CRYBA4: variants seen among roughly 807,000 people sequenced by gnomAD.
The protein encoded by CRYBA4 is crystallin beta A4.
In CRYBA4, 30 loss-of-function variants were observed where a neutral mutation model predicts 31.7. The observed-to-expected ratio is 0.95, with a 90% CI of 0.71 to 1.28. CRYBA4 has a LOEUF of 1.28. Among genes scored for constraint, CRYBA4 ranks in the 50% most tolerant of loss-of-function variants. CRYBA4 has a pLI of 0.00. For synonymous variants in CRYBA4, 102 were observed against 102.3 expected, an observed-to-expected ratio of 1.00 and a Z score of 0.02; for missense variants, 225 against 260.7, an observed-to-expected ratio of 0.86 and a Z score of 0.94.
At chr22:26,600,050 G>C in the CRYBA4 span, among the ~76,000 whole-genome samples, 1 of 152,142 alleles carries the variant, frequency 6.6e-6, no homozygotes, top group African/African-American at 2.4e-5. Context: ...GCAAGAATAG[G>C]ACTTAGGGAC....
chr22:26,621,906 A>C (rs1342489511), upstream of CRYBA4: 18 of 938,734 alleles, frequency 1.9e-5, no homozygotes, highest in Non-Finnish European at 2.2e-5. Context: ...TTTGTCTCCC[A>C]GGGGCCCCTC....
the CRYBA4 span, among the ~76,000 whole-genome samples, chr22:26,616,564 C>A: frequency 1.3e-5 from 2 of 152,230 alleles, no homozygotes; most frequent in African/African-American, 4.8e-5. Flanking sequence ...TTTGACCATG[C>A]GGTTCCCTCC....
At chr22:26,605,800 G>A in the CRYBA4 span, among the ~76,000 whole-genome samples, 2 of 151,656 alleles carry the variant, frequency 1.3e-5, no homozygotes, top group African/African-American at 4.8e-5. Flanking sequence ...CACGACAGGG[G>A]GCTGGAAAGG....
intron 4 of CRYBA4, among the ~76,000 whole-genome samples, chr22:26,625,892 T>C (rs949183760): frequency 6.6e-6 from 1 of 150,886 alleles, no homozygotes; most frequent in African/African-American, 2.4e-5. Context: ...TAGGAGCCCC[T>C]GCCAGTTTTG....
chr22:26,611,959 C>T, the CRYBA4 span: 2 of 789,224 alleles, frequency 2.5e-6, no homozygotes, highest in South Asian at 2.7e-5. Flanking sequence ...AATGTATGTG[C>T]CAGGAGTACG....
chr22:26,602,168 G>A, the CRYBA4 span: 1 of 1,019,550 alleles, frequency 9.8e-7, no homozygotes, highest in Non-Finnish European at 1.5e-6. Flanking sequence ...TGTCTAGTCT[G>A]GAAGGAGACA....
chr22:26,622,497 G>A (rs775130189), intron 1 of CRYBA4, 88 bp from the exon 2 acceptor site: 1 of 1,154,374 alleles, frequency 8.7e-7, no homozygotes, highest in Non-Finnish European at 1.3e-6. Context: ...TCCCTATGTG[G>A]ATCCTGACCA....
chr22:26,592,759 G>C, the CRYBA4 span, among the ~76,000 whole-genome samples: 9 of 152,206 alleles, frequency 5.9e-5, no homozygotes, highest in Non-Finnish European at 1.2e-4. Flanking sequence ...GATCCCTCTG[G>C]TGCTGTGTGA....
chr22:26,599,250 T>C, the CRYBA4 span: 1 of 547,680 alleles, frequency 1.8e-6, no homozygotes, highest in Non-Finnish European at 3.3e-6. Context: ...GCCTACACAT[T>C]TGGTAGACTC....
the CRYBA4 span, chr22:26,616,293 G>C: frequency 5.6e-6 from 9 of 1,614,024 alleles, no homozygotes; most frequent in Non-Finnish European, 7.6e-6. Flanking sequence ...CTGTGGCCGA[G>C]GCCGAGGCCT....
intron 2 of CRYBA4, among the ~76,000 whole-genome samples, chr22:26,622,961 G>A (rs757076846): frequency 1.2e-4 from 19 of 152,216 alleles, no homozygotes; most frequent in Non-Finnish European, 2.5e-4. Flanking sequence ...CCACATAAAA[G>A]TCCAGATCTA....
chr22:26,607,857 G>A, the CRYBA4 span: 1 of 1,613,936 alleles, frequency 6.2e-7, no homozygotes, highest in Non-Finnish European at 8.5e-7. Context: ...CCGCCTGGCT[G>A]ATTCTCCAGC....
chr22:26,611,679 T>A, the CRYBA4 span, among the ~76,000 whole-genome samples: 245 of 152,144 alleles, frequency 1.6e-3, 2 homozygotes, highest in African/African-American at 5.6e-3. Context: ...TTTCACCTTG[T>A]TAGCCAGGAT....
chr22:26,613,012 A>G, the CRYBA4 span, among the ~76,000 whole-genome samples: 4 of 151,420 alleles, frequency 2.6e-5, no homozygotes, highest in South Asian at 8.4e-4. Context: ...CTCTCCCATT[A>G]CCCAGCCCCT....
intron 4 of CRYBA4, among the ~76,000 whole-genome samples, chr22:26,626,582 G>C (rs1226333319): frequency 6.6e-6 from 1 of 152,096 alleles, no homozygotes; most frequent in Non-Finnish European, 1.5e-5. Flanking sequence ...GAAATGCTTG[G>C]GACCAGAAGT....
At chr22:26,610,334 C>A in the CRYBA4 span, among the ~76,000 whole-genome samples, 1 of 152,144 alleles carries the variant, frequency 6.6e-6, no homozygotes, top group Non-Finnish European at 1.5e-5. Flanking sequence ...CCTACCTCAC[C>A]CTCTTCATTC....
At chr22:26,627,417 T>TTTCC (rs1491135518) in intron 4 of CRYBA4, among the ~76,000 whole-genome samples, 1 of 88,732 alleles carries the variant, frequency 1.1e-5, no homozygotes, top group African/African-American at 7.6e-5. Context: ...TCTTTCTTTC[T>TTTCC]TTCTTTCTTT....
At chr22:26,612,308 C>T in the CRYBA4 span, 1 of 702,324 alleles carries the variant, frequency 1.4e-6, no homozygotes. Context: ...TGATGAGCCA[C>T]AGTTTGTGAA....
the CRYBA4 span, chr22:26,596,757 A>C: frequency 6.6e-6 from 1 of 152,202 alleles, no homozygotes; most frequent in Non-Finnish European, 1.5e-5. Flanking sequence ...TAGAATGGGG[A>C]TCCATGTGGC....
Sources: gnomAD v4.1 joint callset for allele counts (sites outside exome capture counted in the v4.1 genomes callset) on GRCh38, gnomAD v4.1.1 for gene constraint, MANE v1.5 for transcripts, NCBI Gene and HGNC (gene_info 2026-07-23, HGNC 2026-07-21) for gene names.